The following NTN4 variants were observed in gnomAD, a reference collection of about 807,000 sequenced individuals.
The protein encoded by NTN4 is netrin 4, also known as netrin-4.
A neutral mutation model predicts 73.6 loss-of-function variants in NTN4; 32 were observed. The ratio of observed to expected loss-of-function variants is 0.44; its 90% CI spans 0.33 to 0.58. The LOEUF (loss-of-function observed/expected upper bound fraction) is 0.58, where lower values mean the gene tolerates loss of function less well. NTN4 is among the 20% of genes least tolerant of loss of function. The pLI, the probability that NTN4 is intolerant of heterozygous loss-of-function variation, is 0.04. For synonymous variants in NTN4, 258 were observed against 287.5 expected, an observed-to-expected ratio of 0.90 and a Z score of 1.04; for missense variants, 654 against 798.3, an observed-to-expected ratio of 0.82 and a Z score of 2.18.
chr12:95,739,214 T>C (rs141892867), intron 2 of NTN4, among the ~76,000 whole-genome samples: 1 of 152,340 alleles, frequency 6.6e-6, no homozygotes. Context: ...TAGGTGAGAA[T>C]TCCAAATAAC....
At chr12:95,672,720 T>C (rs1038888308) in intron 7 of NTN4, 1 of 1,419,024 alleles carries the variant, frequency 7.0e-7, no homozygotes, top group Non-Finnish European at 1.0e-6. Context: ...TCAGTAAGGA[T>C]CGTAGGTATG....
At chr12:95,667,574 G>T (rs1395379924) in intron 8 of NTN4, among the ~76,000 whole-genome samples, 1 of 152,048 alleles carries the variant, frequency 6.6e-6, no homozygotes, top group African/African-American at 2.4e-5. Flanking sequence ...AGAAATTAAG[G>T]CCAGGTGCAG....
At chr12:95,708,609 C>T (rs941972419) in intron 5 of NTN4, among the ~76,000 whole-genome samples, 6 of 151,998 alleles carry the variant, frequency 3.9e-5, no homozygotes, top group African/African-American at 1.2e-4. Flanking sequence ...GGGTCTTCTT[C>T]TGTTGCCCAG....
intron 4 of NTN4, 95 bp downstream of exon 4, chr12:95,713,117 A>G (rs2078577495): frequency 2.7e-6 from 4 of 1,461,020 alleles, no homozygotes; most frequent in Non-Finnish European, 3.7e-6. Context: ...TTTGTCACCC[A>G]CCACTTTGTG....
chr12:95,705,303 C>T (rs1286814136), intron 5 of NTN4, among the ~76,000 whole-genome samples: 1 of 151,928 alleles, frequency 6.6e-6, no homozygotes, highest in Non-Finnish European at 1.5e-5. Context: ...TAAATATCAA[C>T]CAGGCAATTA....
chr12:95,786,699 T>C (rs559800000), intron 2 of NTN4, among the ~76,000 whole-genome samples: 1 of 152,318 alleles, frequency 6.6e-6, no homozygotes, highest in African/African-American at 2.4e-5. Flanking sequence ...TGCTCTTTTT[T>C]ATATGTGAAA....
At chr12:95,738,472 G>A (rs1383952649) in intron 2 of NTN4, among the ~76,000 whole-genome samples, 5 of 152,216 alleles carry the variant, frequency 3.3e-5, no homozygotes, top group African/African-American at 9.6e-5. Flanking sequence ...GCAGAGTCAA[G>A]CTTGGCTTGC....
At chr12:95,749,691 G>A (rs901124392) in intron 2 of NTN4, among the ~76,000 whole-genome samples, 7 of 152,288 alleles carry the variant, frequency 4.6e-5, no homozygotes, top group Admixed American at 1.3e-4. Context: ...GTCAGATCAC[G>A]CAGGGACGCC....
intron 2 of NTN4, among the ~76,000 whole-genome samples, chr12:95,768,654 G>T: frequency 6.6e-6 from 1 of 152,156 alleles, no homozygotes; most frequent in East Asian, 1.9e-4. Flanking sequence ...AGAGTTTCAA[G>T]CAAGGAAGTA....
intron 2 of NTN4, among the ~76,000 whole-genome samples, chr12:95,778,488 C>T (rs1333784689): frequency 6.6e-6 from 1 of 151,936 alleles, no homozygotes; most frequent in Non-Finnish European, 1.5e-5. Flanking sequence ...ATATCACCAC[C>T]GATCCCACAG....
At chr12:95,766,031 T>C (rs1289513516) in intron 2 of NTN4, among the ~76,000 whole-genome samples, 1 of 152,164 alleles carries the variant, frequency 6.6e-6, no homozygotes, top group Non-Finnish European at 1.5e-5. Context: ...AGTATCATTA[T>C]AAATATAGAT....
At chr12:95,678,385 G>A (rs1284415508) in intron 7 of NTN4, among the ~76,000 whole-genome samples, 2 of 149,068 alleles carry the variant, frequency 1.3e-5, no homozygotes, top group Non-Finnish European at 3.0e-5. Flanking sequence ...TTTGATACCG[G>A]AAAAAAATTA....
chr12:95,672,477 A>C, intron 7 of NTN4: 1 of 1,512,738 alleles, frequency 6.6e-7, no homozygotes, highest in Non-Finnish European at 9.2e-7. Context: ...GCTTCACCTC[A>C]GTGCAGAAGA....
In NTN4 at chr12:95,683,606, C is replaced by T. The variant is rs368121588; in HGVS notation, c.1286G>A (p.Arg429Gln). The T allele has an allele frequency of 1.2e-5, 20 of 1,614,070 alleles. No individual in the cohort carries two copies. In the East Asian group the frequency reaches 1.6e-4, roughly 13 times the overall value. ...TCCCACCATGCACCTGTCACAACGT[C>T]GCCCTGCCACCCCAGGCTTGCAAGG... ...DCPCKPGVAG[R>Q]RCDRCMVGYW... The change falls in exon 6 of 10, where the codon CGA becomes CAA. Residue 429 changes from arginine (R) to glutamine (Q), a missense_variant. By Grantham distance (43) the Arg-to-Gln change is conservative. Transcript: ENST00000343702.
At chr12:95,735,219 T>C (rs1365335180) in intron 3 of NTN4, among the ~76,000 whole-genome samples, 1 of 149,796 alleles carries the variant, frequency 6.7e-6, no homozygotes, top group Non-Finnish European at 1.5e-5. Flanking sequence ...ATTGGTCCAA[T>C]TGCTTATGGG....
chr12:95,762,727 C>T (rs1247095372), intron 2 of NTN4, among the ~76,000 whole-genome samples: 1 of 152,174 alleles, frequency 6.6e-6, no homozygotes, highest in Non-Finnish European at 1.5e-5. Flanking sequence ...CTGTTTCCTT[C>T]TGCTCATGGA....
At chr12:95,702,230 A>C (rs893541743) in intron 5 of NTN4, among the ~76,000 whole-genome samples, 1 of 151,462 alleles carries the variant, frequency 6.6e-6, no homozygotes, top group African/African-American at 2.4e-5. Context: ...TAGTGAGCCA[A>C]GATTGCGCCA....
intron 8 of NTN4, 107 bp from the exon 9 acceptor site, chr12:95,666,087 G>C: frequency 1.2e-6 from 1 of 849,602 alleles, no homozygotes; most frequent in Non-Finnish European, 1.7e-6. Flanking sequence ...AATTGATGAT[G>C]AGGATGTGAA....
chr12:95,788,311 A>G (rs1032978990), intron 1 of NTN4, among the ~76,000 whole-genome samples: 1 of 152,198 alleles, frequency 6.6e-6, no homozygotes, highest in African/African-American at 2.4e-5. Context: ...GCACCTTTAA[A>G]TATTATCTGT....
Sources: allele counts gnomAD v4.1 joint callset (sites outside exome capture counted in the v4.1 genomes callset), GRCh38; gene constraint gnomAD v4.1.1; transcripts MANE v1.5; gene names NCBI Gene and HGNC (gene_info 2026-07-23, HGNC 2026-07-21).